Variants in ENDOU observed in about 807,000 individuals in gnomAD.
The protein encoded by ENDOU is endonuclease, poly(U) specific.
ENDOU carries 49 observed loss-of-function variants against 54.2 expected under a neutral mutation model. The ratio of observed to expected loss-of-function variants is 0.90; its 90% CI spans 0.72 to 1.15. The LOEUF is 1.15. ENDOU is among the 50% of genes most tolerant of loss of function. The probability of loss-of-function intolerance (pLI) is 0.00; values close to 1 mark genes in which losing one functional copy is unlikely to be tolerated. For missense variants in ENDOU, 458 were observed against 511.4 expected (o/e 0.90, Z 1.01); for synonymous variants, 172 against 190.5 (o/e 0.90, Z 0.80).
chr12:47,717,182 A>C, intron 4 of ENDOU, 124 bp from the exon 5 acceptor site: 1 of 749,086 alleles, frequency 1.3e-6, no homozygotes, highest in Non-Finnish European at 2.3e-6. Context: ...GGGGGGCCAC[A>C]GTTGGACACC....
rs1177436470 is a variant in ENDOU at position 47,717,606 on chromosome 12, A to G, written c.294T>C (p.Phe98=). The G allele has an allele frequency of 1.2e-6, 2 of 1,614,132 alleles. No individual in the cohort carries two copies. Among genetic ancestry groups the G allele is most frequent in the South Asian group, 1.1e-5 (1 of 91,076 alleles). Residue 98 remains phenylalanine, a synonymous_variant, in exon 4 of 10, where the codon TTT becomes TTC. Transcript: ENST00000422538. ...TGCAGTGACATTGGTGGTGCTTGTC[A>G]AAGGCTTCGTAGCAGCGGCCCTGGC... The part of the protein sequence containing the change: ...TSCQGRCYEA[F]DKHHQCHCNA...
chr12:47,717,392 C>G lies in ENDOU; in HGVS notation c.382+126G>C. On this transcript the variant is annotated intron_variant, in intron 4 of 9. Transcript: ENST00000422538. ...AATTAAGTAGGCCCGGAGTGAAGCC[C>G]CAGAGTTTGTGTTTCTAACAAGTTC... The G allele has an allele frequency of 4.6e-6, 5 of 1,088,630 alleles. No individual in the cohort carries two copies. In the Admixed American group the frequency reaches 1.1e-4, roughly 23 times the overall value. 67.4% of individuals were successfully genotyped at this position (1,088,630 alleles called of 1,614,324 possible). A position where few individuals can be genotyped will look rare whatever the true frequency, so the allele number is the denominator to read the frequency against.
At chr12:47,716,781 T>C in intron 5 of ENDOU, 109 bp downstream of exon 5, 3 of 1,146,456 alleles carry the variant, frequency 2.6e-6, no homozygotes, top group Non-Finnish European at 3.8e-6. Flanking sequence ...ATTTTTTTTC[T>C]GCTCTCCCTT....
intron 6 of ENDOU, among the ~76,000 whole-genome samples, chr12:47,714,975 C>G (rs1208063702): frequency 6.6e-6 from 1 of 152,230 alleles, no homozygotes; most frequent in Non-Finnish European, 1.5e-5. Flanking sequence ...CTGAATAGTT[C>G]CCCTTACTGA....
At chr12:47,715,674 A>T (rs1311829547) in intron 6 of ENDOU, among the ~76,000 whole-genome samples, 2 of 152,234 alleles carry the variant, frequency 1.3e-5, no homozygotes, top group Non-Finnish European at 2.9e-5. Flanking sequence ...TGGGAAAGGA[A>T]TCTGCAGGAC....
chr12:47,724,942 C>A (rs936196884), intron 1 of ENDOU, among the ~76,000 whole-genome samples: 3 of 152,180 alleles, frequency 2.0e-5, no homozygotes, highest in African/African-American at 7.2e-5. Flanking sequence ...CCCTAAACAA[C>A]CTCACCTGTC....
intron 7 of ENDOU, 138 bp downstream of exon 7, chr12:47,713,137 G>A (rs1460941229): frequency 3.1e-6 from 2 of 648,964 alleles, no homozygotes; most frequent in Non-Finnish European, 5.5e-6. Flanking sequence ...TGCCATATGG[G>A]CAGGGGAGAG....
At chr12:47,714,249 A>T (rs1940144696) in intron 6 of ENDOU, among the ~76,000 whole-genome samples, 1 of 152,248 alleles carries the variant, frequency 6.6e-6, no homozygotes, top group African/African-American at 2.4e-5. Context: ...TAGAGACAGC[A>T]CTTGAGTCCA....
In ENDOU at chr12:47,716,304, G is replaced by T; in HGVS notation, c.747C>A (p.His249Gln). 6.2e-7 allele frequency: 1 copy of T among 1,614,002 alleles called. No homozygotes were observed. The highest frequency in any genetic ancestry group is 8.5e-7 in the Non-Finnish European group (1 of 1,179,948). ...GGCCTGGGGGTGCTCACTCACTCTG[G>T]TGATGGAGGAAGCTGTAGAGCTCCT... is the stretch of plus-strand genomic sequence containing the variant. Reference protein sequence around the residue: ...VMKELYSFLHHQNRYGSEQEF... With the variant: ...VMKELYSFLHQQNRYGSEQEF... Residue 249 changes from histidine (H) to glutamine (Q), a missense_variant, in exon 6 of 10, where the codon CAC becomes CAA. His to Gln is a conservative substitution (Grantham distance 24, BLOSUM62 0). Transcript: ENST00000422538.
At position 47,720,869 on chromosome 12, in the gene ENDOU, A is replaced by G. The variant is rs941214438; in HGVS notation, c.62T>C (p.Ile21Thr). ...VLCGLAWAGK[I>T]ESCASRCNEK... ...ATTACATCGAGATGCACAGGATTCT[A>G]TTTTTCCTATGGGCAGTAAAGGTCA... Residue 21 changes from isoleucine to threonine, a missense_variant, in exon 2 of 10, where the codon ATA becomes ACA. Transcript: ENST00000422538. 45 of 1,535,896 alleles carry G rather than the reference A, an allele frequency of 2.9e-5. No homozygotes were observed. Among genetic ancestry groups the G allele is most frequent in the African/African-American group, 1.9e-4 (14 of 73,096 alleles).
chr12:47,721,595 T>C (rs905369983), intron 1 of ENDOU, among the ~76,000 whole-genome samples: 1 of 152,228 alleles, frequency 6.6e-6, no homozygotes, highest in African/African-American at 2.4e-5. Context: ...CAGATGAATT[T>C]ATGCTCAGGG....
intron 8 of ENDOU, among the ~76,000 whole-genome samples, chr12:47,712,151 G>A (rs1940044342): frequency 6.6e-6 from 1 of 152,218 alleles, no homozygotes; most frequent in African/African-American, 2.4e-5. Context: ...CTTATAAAGT[G>A]TATGAAGTTT....
chr12:47,713,142 G>A (rs534975311), intron 7 of ENDOU, 133 bp downstream of exon 7: 4 of 662,068 alleles, frequency 6.0e-6, no homozygotes, highest in African/African-American at 5.4e-5. Flanking sequence ...TATGGGCAGG[G>A]GAGAGTGCGT....
chr12:47,719,042 G>A (rs976514440), intron 2 of ENDOU: 4 of 152,188 alleles, frequency 2.6e-5, no homozygotes, highest in African/African-American at 9.7e-5. Flanking sequence ...TGTTCTAAGT[G>A]CTGGCAATCC....
Position 47,718,177 on chromosome 12 carries a change from CT to C in ENDOU, c.195del (p.Glu66SerfsTer71), listed in dbSNP as rs758769814. On this transcript the variant is annotated frameshift_variant, in exon 3 of 10. Coordinates refer to ENST00000422538, the MANE Select transcript of ENDOU (RefSeq NM_001172439.2). LOFTEE classifies it high-confidence loss of function. Reference protein sequence around the residue: ...EHLCTEDHKESEPLPQLEEET... With the variant: ...EHLCTEDHKEXEPLPQLEEET... ...TCTTCCTCCAGCTGTGGCAATGGCT[CT>C]GACTCTTTGTGGTCCTCTGCAGGTA... 10 of 1,582,818 alleles carry C rather than the reference CT, an allele frequency of 6.3e-6. No homozygotes were observed. In the African/African-American group the frequency reaches 1.1e-4, roughly 17 times the overall value.
chr12:47,713,545 G>A (rs1224752956), intron 6 of ENDOU, among the ~76,000 whole-genome samples, 157 bp from the exon 7 acceptor site: 1 of 152,144 alleles, frequency 6.6e-6, no homozygotes, highest in Non-Finnish European at 1.5e-5. Flanking sequence ...ATTATCTATG[G>A]GATGCCTATT....
rs1330308805 is a variant in ENDOU at position 47,713,403 on chromosome 12, A to G, written c.752-15T>C. Reference sequence around the variant, plus strand: ...GCCATAGCGATCTGCAGAGGAACACAAAGGGTTTTGGAGAGGGGAGGCAGG... The same window carrying G: ...GCCATAGCGATCTGCAGAGGAACACGAAGGGTTTTGGAGAGGGGAGGCAGG... On this transcript the variant is annotated splice_polypyrimidine_tract_variant and intron_variant, in intron 6 of 9. Transcript: ENST00000422538. 6.2e-7 allele frequency: 1 copy of G among 1,604,964 alleles called. No homozygotes were observed. The highest frequency in any genetic ancestry group is 1.7e-5 in the Admixed American group (1 of 60,004).
chr12:47,721,807 T>C lies in ENDOU; in HGVS notation c.56-932A>G, dbSNP rs139254316. The stretch of plus-strand genomic sequence containing the variant: ...TTTAAGGGTGATAACAGAGTCTTTG[T>C]TCGATTTGAGGTTCCTGAGGTTTGG... On this transcript the variant is annotated intron_variant, in intron 1 of 9. Coordinates refer to ENST00000422538, the MANE Select transcript of ENDOU (RefSeq NM_001172439.2). Among the ~76,000 whole-genome samples, 29 of 152,290 alleles carry C rather than the reference T, an allele frequency of 1.9e-4. 1 individual carries two copies. The highest frequency in any genetic ancestry group is 6.5e-4 in the African/African-American group (27 of 41,560).
At chr12:47,716,863 G>A (rs1940259529) in intron 5 of ENDOU, 27 bp downstream of exon 5, 1 of 1,612,094 alleles carries the variant, frequency 6.2e-7, no homozygotes, top group African/African-American at 1.3e-5. Flanking sequence ...GATTTAGGGG[G>A]TAGAAAGAGG....
Sources: gnomAD v4.1 joint callset for allele counts (sites outside exome capture counted in the v4.1 genomes callset) on GRCh38, gnomAD v4.1.1 for gene constraint, MANE v1.5 for transcripts, NCBI Gene and HGNC (gene_info 2026-07-23, HGNC 2026-07-21) for gene names.